SSH2: variants seen among roughly 807,000 people sequenced by gnomAD.
The protein encoded by SSH2 is slingshot protein phosphatase 2.
SSH2 carries 37 observed loss-of-function variants against 135.2 expected under a neutral mutation model. That is an observed-to-expected ratio of 0.27 (90% CI 0.21 to 0.36). The LOEUF is 0.36. Among genes scored for constraint, SSH2 ranks in the 10% least tolerant of loss-of-function variants. The pLI, the probability that SSH2 is intolerant of heterozygous loss-of-function variation, is 1.00. For missense variants in SSH2, 1,408 were observed against 1,765.3 expected, an observed-to-expected ratio of 0.80 and a Z score of 3.63; for synonymous variants, 628 against 646.2, an observed-to-expected ratio of 0.97 and a Z score of 0.43.
chr17:29,676,990 G>A (rs181242906), intron 7 of SSH2, 105 bp from the exon 8 acceptor site: 170 of 887,372 alleles, frequency 1.9e-4, no homozygotes, highest in Non-Finnish European at 2.7e-4. Flanking sequence ...TGGCTCCGTA[G>A]AGGGAATCAT....
At chr17:29,681,635 A>G (rs879379473) in intron 6 of SSH2, among the ~76,000 whole-genome samples, 2 of 152,036 alleles carry the variant, frequency 1.3e-5, no homozygotes, top group Admixed American at 1.3e-4. Flanking sequence ...CACTTTAGAA[A>G]CCAAGATTAT....
intron 4 of SSH2, among the ~76,000 whole-genome samples, chr17:29,696,690 T>C (rs1455824087): frequency 6.7e-6 from 1 of 148,532 alleles, no homozygotes; most frequent in East Asian, 2.1e-4. Context: ...TGTGTGTGTG[T>C]GTGTGTATTT....
intron 3 of SSH2, chr17:29,761,025 A>T: frequency 8.0e-6 from 8 of 1,003,036 alleles, no homozygotes; most frequent in Non-Finnish European, 1.1e-5. Flanking sequence ...GGAGACCTCC[A>T]GGCAAGCAGG....
intron 3 of SSH2, among the ~76,000 whole-genome samples, chr17:29,740,560 C>T (rs1567935454): frequency 6.6e-6 from 1 of 151,808 alleles, no homozygotes; most frequent in African/African-American, 2.4e-5. Flanking sequence ...CTCTTTTCTC[C>T]TATATTCAAT....
intron 3 of SSH2, chr17:29,761,223 T>G: frequency 7.8e-7 from 1 of 1,288,362 alleles, no homozygotes; most frequent in Non-Finnish European, 1.0e-6. Flanking sequence ...CCACCGAGGC[T>G]GCAGGTGCAA....
intron 2 of SSH2, among the ~76,000 whole-genome samples, chr17:29,818,203 A>T (rs1322233173): frequency 2.0e-5 from 3 of 150,148 alleles, no homozygotes; most frequent in Non-Finnish European, 4.4e-5. Flanking sequence ...AAATTTTCTG[A>T]ATATTTTTAA....
chr17:29,684,824 C>G, intron 5 of SSH2, 140 bp from the exon 6 acceptor site: 1 of 665,182 alleles, frequency 1.5e-6, no homozygotes, highest in Non-Finnish European at 2.4e-6. Flanking sequence ...ATTAAAATCT[C>G]AGCTCGTACA....
rs563552971 is a variant in SSH2, at chr17:29,721,493, A to G, written c.189-18431T>C. ...GGCAAAATTTCTCTGCAATGATTGG[A>G]AGGAAAGCTAGAATTCTGAGGGTCT... On this transcript the variant is annotated intron_variant, in intron 3 of 15. Coordinates refer to ENST00000540801, the MANE Select transcript of SSH2 (RefSeq NM_001282129.2). Among the ~76,000 whole-genome samples the G allele has an allele frequency of 4.6e-5, 7 of 152,316 alleles. No homozygotes were observed. The South Asian group carries it at 1.4e-3, about 32-fold the overall frequency.
At chr17:29,761,848 T>TGTGTGTGTGC (rs1308335402) in intron 3 of SSH2, among the ~76,000 whole-genome samples, 78 of 127,176 alleles carry the variant, frequency 6.1e-4, no homozygotes, top group African/African-American at 2.6e-3. Context: ...TACATATGTG[T>TGTGTGTGTGC]GTGTGTGTGT....
chr17:29,726,206 A>G (rs2039998138), intron 3 of SSH2, among the ~76,000 whole-genome samples: 1 of 152,182 alleles, frequency 6.6e-6, no homozygotes, highest in African/African-American at 2.4e-5. Flanking sequence ...GAGCCTGGGT[A>G]GGCATTAGTC....
chr17:29,848,516 A>T lies in SSH2; in HGVS notation c.144+333T>A, dbSNP rs150246462. On this transcript the variant is annotated intron_variant, in intron 2 of 15. Transcript: ENST00000540801. ...AAAGAATAATACTATTGACCATTAA[A>T]AAAATGTGTGCATGAGGGGAAAAAA... Among the ~76,000 whole-genome samples the T allele has an allele frequency of 2.2e-3, 333 of 152,264 alleles. 1 individual carries two copies. The highest frequency in any genetic ancestry group is 7.3e-3 in the African/African-American group (305 of 41,542).
chr17:29,748,780 CT>C (rs955752085), intron 3 of SSH2, among the ~76,000 whole-genome samples: 1 of 152,162 alleles, frequency 6.6e-6, no homozygotes, highest in Non-Finnish European at 1.5e-5. Flanking sequence ...TACTACAGAG[CT>C]GTTTCAGAGC....
At chr17:29,878,603 A>C (rs2066079058) in intron 1 of SSH2, among the ~76,000 whole-genome samples, 1 of 152,224 alleles carries the variant, frequency 6.6e-6, no homozygotes, top group Non-Finnish European at 1.5e-5. Flanking sequence ...ATGGAAACAA[A>C]GATCAAATAA....
intron 2 of SSH2, among the ~76,000 whole-genome samples, chr17:29,820,466 G>C (rs1171840982): frequency 2.0e-5 from 3 of 152,174 alleles, no homozygotes; most frequent in Admixed American, 6.5e-5. Flanking sequence ...TCGAGTCCTT[G>C]CTTCAGTCTG....
At chr17:29,880,028 C>T (rs1248141312) in intron 1 of SSH2, among the ~76,000 whole-genome samples, 3 of 152,180 alleles carry the variant, frequency 2.0e-5, no homozygotes, top group African/African-American at 7.2e-5. Flanking sequence ...ATACTGTATA[C>T]ACATGCTGCT....
At chr17:29,875,203 C>T (rs1352623220) in intron 1 of SSH2, among the ~76,000 whole-genome samples, 2 of 152,110 alleles carry the variant, frequency 1.3e-5, no homozygotes, top group African/African-American at 2.4e-5. Context: ...ACTATACTCC[C>T]CACTTCAACT....
At chr17:29,726,366 A>G in intron 3 of SSH2, among the ~76,000 whole-genome samples, 1 of 152,216 alleles carries the variant, frequency 6.6e-6, no homozygotes, top group East Asian at 1.9e-4. Context: ...GGAGAGGTAC[A>G]GATTTGGAAG....
intron 1 of SSH2, among the ~76,000 whole-genome samples, chr17:29,851,602 TTAA>T (rs535506558): frequency 6.6e-6 from 1 of 150,918 alleles, no homozygotes; most frequent in Non-Finnish European, 1.5e-5. Flanking sequence ...TCAAAAAAAA[TTAA>T]TAATAATAAT....
At chr17:29,797,342 A>G (rs920114401) in intron 2 of SSH2, among the ~76,000 whole-genome samples, 8 of 152,186 alleles carry the variant, frequency 5.3e-5, no homozygotes, top group African/African-American at 1.9e-4. Flanking sequence ...TTTCCACCAC[A>G]GATTTTTGCC....
Sources: gnomAD v4.1 joint callset for allele counts (sites outside exome capture counted in the v4.1 genomes callset) on GRCh38, gnomAD v4.1.1 for gene constraint, MANE v1.5 for transcripts, NCBI Gene and HGNC (gene_info 2026-07-23, HGNC 2026-07-21) for gene names.